The following IFNGR2 variants were observed in gnomAD, a reference collection of about 807,000 sequenced individuals.
IFNGR2 encodes the protein IFN-gamma receptor 2.
Under a neutral mutation model 41.1 loss-of-function variants are expected in IFNGR2, and 15 were observed. The observed-to-expected ratio is 0.37, with a 90% CI of 0.24 to 0.56. IFNGR2 has a LOEUF of 0.56. IFNGR2 is among the 20% of genes least tolerant of loss of function. The pLI, the probability that IFNGR2 is intolerant of heterozygous loss-of-function variation, is 0.81. For synonymous variants in IFNGR2, 161 were observed against 171.6 expected (o/e 0.94, Z 0.48); for missense variants, 362 against 415.7 (o/e 0.87, Z 1.12).
At chr21:33,419,618 CAT>C (rs555950471) in intron 2 of IFNGR2, among the ~76,000 whole-genome samples, 80 of 152,212 alleles carry the variant, frequency 5.3e-4, no homozygotes, top group South Asian at 1.0e-3. Context: ...TGACATATCA[CAT>C]GTGTTGTATT....
intron 3 of IFNGR2, among the ~76,000 whole-genome samples, chr21:33,421,898 A>G (rs1443390992): frequency 6.6e-6 from 1 of 152,230 alleles, no homozygotes; most frequent in Non-Finnish European, 1.5e-5. Context: ...CTGCAGGCCA[A>G]ATCGGGCCCA....
chr21:33,419,925 G>A (rs1319834029), intron 2 of IFNGR2, among the ~76,000 whole-genome samples: 1 of 152,136 alleles, frequency 6.6e-6, no homozygotes, highest in African/African-American at 2.4e-5. Flanking sequence ...GAGGAGCGGG[G>A]CGGTTAGAGG....
chr21:33,406,557 G>T (rs772438304), intron 1 of IFNGR2, among the ~76,000 whole-genome samples: 3 of 151,798 alleles, frequency 2.0e-5, no homozygotes, highest in South Asian at 2.1e-4. Flanking sequence ...ATGGCAAATG[G>T]GTGGTAGAAA....
Position 33,432,809 on chromosome 21 carries a change from T to C in IFNGR2, c.817T>C (p.Tyr273His). 1 of 1,613,930 alleles carries C rather than the reference T, an allele frequency of 6.2e-7. No homozygotes were observed. Among genetic ancestry groups the C allele is most frequent in the Non-Finnish European group, 8.5e-7 (1 of 1,179,890 alleles). The change falls in exon 6 of 7, where the codon TAT (tyrosine) becomes CAT (histidine). Residue 273 changes from tyrosine (Y) to histidine (H), a missense_variant. Coordinates refer to ENST00000290219, the MANE Select transcript of IFNGR2 (RefSeq NM_005534.4). The part of the protein sequence containing the change: ...AGACFFLVLK[Y>H]RGLIKYWFHT... ...AGCCTGTTTCTTCCTGGTCCTGAAA[T>C]ATAGAGGCCTGATTAAATACTGGTT...
intron 1 of IFNGR2, among the ~76,000 whole-genome samples, chr21:33,413,863 C>T (rs190821905): frequency 3.8e-4 from 43 of 113,804 alleles, no homozygotes; most frequent in African/African-American, 1.5e-3. Flanking sequence ...GACAGAGTCT[C>T]TCTCTGTCGC....
intron 1 of IFNGR2, chr21:33,410,758 A>G (rs2123333000): frequency 1.0e-6 from 1 of 984,390 alleles, no homozygotes; most frequent in East Asian, 2.6e-5. Flanking sequence ...GTGAGCCACC[A>G]CGCCCATCCA....
At chr21:33,422,647 C>A (rs1826733049) in intron 3 of IFNGR2, among the ~76,000 whole-genome samples, 1 of 152,022 alleles carries the variant, frequency 6.6e-6, no homozygotes. Flanking sequence ...GAGGCCGAGG[C>A]AGGCAGATCA....
At chr21:33,406,530 A>G (rs2083678779) in intron 1 of IFNGR2, among the ~76,000 whole-genome samples, 2 of 152,146 alleles carry the variant, frequency 1.3e-5, no homozygotes. Flanking sequence ...CAAAGTGAAA[A>G]TATTCACAAT....
chr21:33,420,574 T>G (rs968051963), intron 2 of IFNGR2, among the ~76,000 whole-genome samples: 1 of 152,166 alleles, frequency 6.6e-6, no homozygotes, highest in Non-Finnish European at 1.5e-5. Context: ...GGACTGGAGT[T>G]TGTATTAACA....
chr21:33,417,387 C>T (rs2083761644), intron 2 of IFNGR2, among the ~76,000 whole-genome samples: 1 of 152,180 alleles, frequency 6.6e-6, no homozygotes, highest in South Asian at 2.1e-4. Flanking sequence ...ATCACACTGG[C>T]GTTTCTTATT....
chr21:33,403,486 C>T lies in IFNGR2; in HGVS notation c.-58C>T. 9.3e-7 allele frequency: 1 copy of T among 1,079,214 alleles called. No individual in the cohort carries two copies. The allele number at this position is 1,079,214 out of a possible 1,614,324, so 66.9% of individuals were successfully genotyped here. A position where few individuals can be genotyped will look rare whatever the true frequency, so the allele number is the denominator to read the frequency against. The stretch of plus-strand genomic sequence containing the variant: ...GTTTGGGCGGCGACGTGAGCGGCTC[C>T]GCGGACCCCGAGCGGGGCCCCGGCC... On this transcript the variant is annotated 5_prime_UTR_variant, in exon 1 of 7. Transcript: ENST00000290219.
At chr21:33,435,632 C>T (rs1223014592) in intron 6 of IFNGR2, among the ~76,000 whole-genome samples, 1 of 151,858 alleles carries the variant, frequency 6.6e-6, no homozygotes, top group Non-Finnish European at 1.5e-5. Flanking sequence ...TGCCTGTAAT[C>T]CCAGCACTTT....
At chr21:33,405,360 A>G (rs1047812160) in intron 1 of IFNGR2, among the ~76,000 whole-genome samples, 1 of 152,114 alleles carries the variant, frequency 6.6e-6, no homozygotes, top group African/African-American at 2.4e-5. Context: ...GGTGCCTTGC[A>G]CTTGAGGAAA....
chr21:33,423,036 C>T (rs13052232), intron 3 of IFNGR2, among the ~76,000 whole-genome samples: 26,012 of 117,998 alleles, frequency 0.22, 3,170 homozygotes, highest in Middle Eastern at 0.29. Flanking sequence ...CTTCCCTCTA[C>T]TTTTTTTTTT....
intron 3 of IFNGR2, among the ~76,000 whole-genome samples, chr21:33,425,417 A>G (rs193290353): frequency 3.3e-5 from 5 of 152,268 alleles, no homozygotes; most frequent in Non-Finnish European, 7.4e-5. Context: ...GACTCTCTTC[A>G]GAAGGGCAGG....
At chr21:33,430,395 A>C (rs1451608160) in intron 4 of IFNGR2, among the ~76,000 whole-genome samples, 1 of 152,214 alleles carries the variant, frequency 6.6e-6, no homozygotes, top group African/African-American at 2.4e-5. Context: ...TAAAACCATC[A>C]AGTAATACTA....
At chr21:33,417,902 T>TAA (rs879928349) in intron 2 of IFNGR2, among the ~76,000 whole-genome samples, 1 of 146,340 alleles carries the variant, frequency 6.8e-6, no homozygotes, top group African/African-American at 2.5e-5. Context: ...GTTATTGCAT[T>TAA]AAAAAAAAAA....
In IFNGR2 at chr21:33,436,935, G is replaced by GC; in HGVS notation, c.988dup (p.Gln330ProfsTer54). The stretch of plus-strand genomic sequence containing the variant: ...CCATTATCTCGTTTCCGGAAAAGGA[G>GC]CAAGAAGATGTTCTCCAAACGCTTT... On this transcript the variant is annotated frameshift_variant, in exon 7 of 7. Coordinates refer to ENST00000290219, the MANE Select transcript of IFNGR2 (RefSeq NM_005534.4). LOFTEE classifies it high-confidence loss of function. 1.2e-6 allele frequency: 2 copies of GC among 1,613,984 alleles called. No individual in the cohort carries two copies. Among genetic ancestry groups the GC allele is most frequent in the Non-Finnish European group, 1.7e-6 (2 of 1,179,968 alleles).
rs1190925518 is a variant in IFNGR2, at chr21:33,403,514, G to C, written c.-30G>C. ...GGACCCCGAGCGGGGCCCCGGCCGCGACCTGAGCCGCCGCCGAGCGCCCGG... is the reference window on the plus strand; with the variant it reads ...GGACCCCGAGCGGGGCCCCGGCCGCCACCTGAGCCGCCGCCGAGCGCCCGG... On this transcript the variant is annotated 5_prime_UTR_variant, in exon 1 of 7. Transcript: ENST00000290219. 1 of 1,224,618 alleles carries C rather than the reference G, an allele frequency of 8.2e-7. No homozygotes were observed. Among genetic ancestry groups the C allele is most frequent in the Admixed American group, 3.6e-5 (1 of 27,456 alleles). 75.9% of individuals were successfully genotyped at this position (1,224,618 alleles called of 1,614,324 possible).
Sources: gnomAD v4.1 joint callset for allele counts (sites outside exome capture counted in the v4.1 genomes callset) on GRCh38, gnomAD v4.1.1 for gene constraint, MANE v1.5 for transcripts, NCBI Gene and HGNC (gene_info 2026-07-23, HGNC 2026-07-21) for gene names.